The following WWOX variants were observed in gnomAD, a reference collection of about 807,000 sequenced individuals.
The protein encoded by WWOX is WW domain containing oxidoreductase.
In WWOX, 69 loss-of-function variants were observed where a neutral mutation model predicts 46.2. The ratio of observed to expected loss-of-function variants is 1.49; its 90% CI spans 1.23 to 1.82. The LOEUF (loss-of-function observed/expected upper bound fraction) is 1.82, where lower values mean the gene tolerates loss of function less well. WWOX is among the 40% of genes most tolerant of loss of function. The pLI, the probability that WWOX is intolerant of heterozygous loss-of-function variation, is 0.00. For synonymous variants in WWOX, 359 were observed against 202.6 expected, an observed-to-expected ratio of 1.77 and a Z score of -6.56; for missense variants, 919 against 542.6, an observed-to-expected ratio of 1.69 and a Z score of -6.89.
chr16:78,969,776 A>C (rs1307895995), intron 8 of WWOX, among the ~76,000 whole-genome samples: 1 of 152,232 alleles, frequency 6.6e-6, no homozygotes, highest in Non-Finnish European at 1.5e-5. Flanking sequence ...GATTTCATTT[A>C]CATGAAATAC....
intron 8 of WWOX, among the ~76,000 whole-genome samples, chr16:78,725,979 T>C (rs147019795): frequency 0.016 from 2,413 of 150,356 alleles, 79 homozygotes; most frequent in African/African-American, 0.056. Flanking sequence ...TCCTCCTCCT[T>C]CTCCTTCTCC....
intron 8 of WWOX, among the ~76,000 whole-genome samples, chr16:78,926,562 A>T (rs1423378911): frequency 6.6e-6 from 1 of 152,160 alleles, no homozygotes; most frequent in Non-Finnish European, 1.5e-5. Context: ...TTTTGCAGAA[A>T]GCAGACGTAC....
At chr16:78,683,935 G>C (rs1003000595) in intron 8 of WWOX, among the ~76,000 whole-genome samples, 1 of 152,278 alleles carries the variant, frequency 6.6e-6, no homozygotes, top group African/African-American at 2.4e-5. Context: ...GGCAAGCTGA[G>C]GAAAGGAGGC....
chr16:78,125,120 T>C (rs891521079), intron 4 of WWOX, among the ~76,000 whole-genome samples: 1 of 152,208 alleles, frequency 6.6e-6, no homozygotes, highest in Non-Finnish European at 1.5e-5. Context: ...CAGATTCGTA[T>C]TTATTGATTA....
intron 8 of WWOX, among the ~76,000 whole-genome samples, chr16:78,597,312 A>T (rs763859551): frequency 6.6e-6 from 1 of 152,168 alleles, no homozygotes; most frequent in East Asian, 1.9e-4. Flanking sequence ...ATTAGCACCT[A>T]CTGTGTGCCG....
intron 8 of WWOX, among the ~76,000 whole-genome samples, chr16:78,949,841 T>G (rs1462978319): frequency 1.3e-5 from 2 of 152,246 alleles, no homozygotes; most frequent in African/African-American, 4.8e-5. Flanking sequence ...TTCTGACATG[T>G]CACTCCACAT....
chr16:78,369,059 C>T (rs75396997), intron 5 of WWOX, among the ~76,000 whole-genome samples: 1,978 of 149,892 alleles, frequency 0.013, 38 homozygotes, highest in African/African-American at 0.044. Flanking sequence ...CTTTTTCTTT[C>T]CCTTTTTTTT....
intron 8 of WWOX, among the ~76,000 whole-genome samples, chr16:78,572,818 A>T (rs184580707): frequency 6.6e-6 from 1 of 152,216 alleles, no homozygotes; most frequent in African/African-American, 2.4e-5. Context: ...GAATGGTGCC[A>T]TGGCGAGAGA....
chr16:78,641,218 C>A (rs1037950839), intron 8 of WWOX, among the ~76,000 whole-genome samples: 2 of 151,862 alleles, frequency 1.3e-5, no homozygotes, highest in African/African-American at 4.8e-5. Flanking sequence ...TTTTTCAGGT[C>A]TAAGTTTCCC....
intron 8 of WWOX, among the ~76,000 whole-genome samples, chr16:79,176,103 G>T (rs1278393498): frequency 1.3e-5 from 2 of 152,200 alleles, no homozygotes; most frequent in Non-Finnish European, 2.9e-5. Context: ...TGGATTGTTT[G>T]CACACCTGTG....
At chr16:78,410,512 C>A (rs928415995) in intron 6 of WWOX, among the ~76,000 whole-genome samples, 1 of 151,956 alleles carries the variant, frequency 6.6e-6, no homozygotes, top group South Asian at 2.1e-4. Flanking sequence ...GGGCTGCAAT[C>A]AAGATGTCAG....
At chr16:78,270,287 A>G (rs1397254609) in intron 5 of WWOX, 1 of 152,214 alleles carries the variant, frequency 6.6e-6, no homozygotes, top group African/African-American at 2.4e-5. Context: ...GTTTCAGGCC[A>G]TCTTTCCAAG....
chr16:78,873,278 A>C (rs778048041), intron 8 of WWOX: 13 of 152,188 alleles, frequency 8.5e-5, no homozygotes, highest in African/African-American at 1.2e-4. Flanking sequence ...GAATGTCACT[A>C]ATTACCAACG....
At chr16:78,656,717 A>G (rs1251886264) in intron 8 of WWOX, among the ~76,000 whole-genome samples, 2 of 152,068 alleles carry the variant, frequency 1.3e-5, no homozygotes, top group Admixed American at 6.5e-5. Context: ...CCATATCGGC[A>G]CCCACTGAGC....
intron 8 of WWOX, among the ~76,000 whole-genome samples, chr16:78,542,018 CAAAAAAAAAAAA>C (rs548366256): frequency 4.9e-5 from 2 of 40,642 alleles, no homozygotes; most frequent in African/African-American, 1.0e-4. Context: ...CAGAGTATAC[CAAAAAAAAAAAA>C]AAAAAAAAAA....
At chr16:79,019,474 T>C (rs1441136544) in intron 8 of WWOX, among the ~76,000 whole-genome samples, 1 of 152,128 alleles carries the variant, frequency 6.6e-6, no homozygotes, top group African/African-American at 2.4e-5. Context: ...AATAGTACAG[T>C]AAAAATATGA....
chr16:78,868,907 C>T lies in WWOX; in HGVS notation c.1057-342701C>T, dbSNP rs1486213441. Among the ~76,000 whole-genome samples, 3 of 152,128 alleles carry T rather than the reference C, an allele frequency of 2.0e-5. No individual in the cohort carries two copies. In the East Asian group the frequency reaches 5.8e-4, roughly 29 times the overall value. The stretch of plus-strand genomic sequence containing the variant: ...CATCCCTTAGAAATTTGCACTTTTC[C>T]CCCCTTTTTCCATTAAAACACACCT... On this transcript the variant is annotated intron_variant, in intron 8 of 8. Coordinates refer to ENST00000566780, the MANE Select transcript of WWOX (RefSeq NM_016373.4).
chr16:79,034,131 G>C (rs971493586), intron 8 of WWOX, among the ~76,000 whole-genome samples: 3 of 152,226 alleles, frequency 2.0e-5, no homozygotes, highest in Admixed American at 1.3e-4. Context: ...ATGCACTCTT[G>C]ACATTTTTTA....
intron 8 of WWOX, among the ~76,000 whole-genome samples, chr16:79,187,408 G>A (rs2051038554): frequency 6.6e-6 from 1 of 152,146 alleles, no homozygotes; most frequent in Non-Finnish European, 1.5e-5. Context: ...CTTTTGTTCT[G>A]TTGTGTTTTT....
Sources: allele counts gnomAD v4.1 joint callset (sites outside exome capture counted in the v4.1 genomes callset), GRCh38; gene constraint gnomAD v4.1.1; transcripts MANE v1.5; gene names NCBI Gene and HGNC (gene_info 2026-07-23, HGNC 2026-07-21).